Variants in COL4A1 observed in about 807,000 individuals in gnomAD.
The protein encoded by COL4A1 is collagen type IV alpha 1 chain.
COL4A1 carries 40 observed loss-of-function variants against 216.6 expected under a neutral mutation model. The ratio of observed to expected loss-of-function variants is 0.18; its 90% CI spans 0.14 to 0.24. COL4A1 has a LOEUF of 0.24. Ranked by LOEUF, COL4A1 falls within the 10% of genes least tolerant of loss-of-function variation. The probability of loss-of-function intolerance (pLI) is 1.00; values close to 1 mark genes in which losing one functional copy is unlikely to be tolerated. For synonymous variants in COL4A1, 839 were observed against 810.7 expected, an observed-to-expected ratio of 1.03 and a Z score of -0.59; for missense variants, 1,628 against 2,196.8, an observed-to-expected ratio of 0.74 and a Z score of 5.18.
intron 17 of COL4A1, 103 bp from the exon 18 acceptor site, chr13:110,203,710 G>T: frequency 8.1e-7 from 1 of 1,232,616 alleles, no homozygotes; most frequent in Non-Finnish European, 1.2e-6. Context: ...TGTGCCTACA[G>T]TAAATTAAAA....
intron 1 of COL4A1, among the ~76,000 whole-genome samples, chr13:110,254,326 T>G (rs528898146): frequency 1.3e-5 from 2 of 152,302 alleles, no homozygotes; most frequent in South Asian, 2.1e-4. Flanking sequence ...AGAGGGAGTA[T>G]GCAGATAGTT....
chr13:110,245,641 T>G (rs370640624), intron 1 of COL4A1, among the ~76,000 whole-genome samples: 1 of 152,238 alleles, frequency 6.6e-6, no homozygotes, highest in African/African-American at 2.4e-5. Flanking sequence ...GCTTTATCTT[T>G]CTGCAATTTG....
chr13:110,201,736 C>G, intron 18 of COL4A1: 1 of 699,448 alleles, frequency 1.4e-6, no homozygotes. Context: ...GTAATCCCAG[C>G]ACTTTGGGAG....
Position 110,178,940 on chromosome 13 carries a change from C to G in COL4A1, c.2441G>C (p.Gly814Ala). The change falls in exon 31 of 52, where the codon GGA becomes GCA. Residue 814 changes from glycine (G) to alanine (A), a missense_variant. By Grantham distance (60) the Gly-to-Ala change is moderately conservative (BLOSUM62 0). Coordinates refer to ENST00000375820, the MANE Select transcript of COL4A1 (RefSeq NM_001845.6). ...PGARGPPGGQ[G>A]PPGLSGPPGI... ...TCACTCACCTGACAACCCCGGTGGT[C>G]CCTGTCCTCCAGGGGGACCCCTAGC... The G allele has an allele frequency of 6.2e-7, 1 of 1,611,886 alleles. No individual in the cohort carries two copies. The highest frequency in any genetic ancestry group is 8.5e-7 in the Non-Finnish European group (1 of 1,179,488).
intron 47 of COL4A1, among the ~76,000 whole-genome samples, chr13:110,162,680 A>C (rs1455638785): frequency 6.6e-6 from 1 of 151,410 alleles, no homozygotes; most frequent in Non-Finnish European, 1.5e-5. Context: ...TTTTATAAGC[A>C]CAGTTCTCGG....
chr13:110,201,610 T>C (rs761230596), intron 18 of COL4A1, 88 bp from the exon 19 acceptor site: 9 of 1,097,672 alleles, frequency 8.2e-6, no homozygotes, highest in Admixed American at 1.7e-5. Flanking sequence ...GAAATGTACA[T>C]ATTTGTTTTT....
intron 1 of COL4A1, among the ~76,000 whole-genome samples, chr13:110,274,102 T>C (rs1883349195): frequency 6.6e-6 from 1 of 152,236 alleles, no homozygotes; most frequent in Non-Finnish European, 1.5e-5. Context: ...TAAAATGTGC[T>C]AAGTACTAGG....
chr13:110,191,407 A>G lies in COL4A1; in HGVS notation c.1536+807T>C, dbSNP rs1878620062. 3 of 364,074 alleles carry G rather than the reference A, an allele frequency of 8.2e-6. No homozygotes were observed. The South Asian group carries it at 3.4e-4, about 41-fold the overall frequency. The allele number at this position is 364,074 out of a possible 1,614,324, so 22.6% of individuals were successfully genotyped here. ...TTGTGGAAACCAGTCCATGCTCGCA[A>G]AGCTCAGAAGAACAAAGAAAATACG... On this transcript the variant is annotated intron_variant, in intron 24 of 51. Coordinates refer to ENST00000375820, the MANE Select transcript of COL4A1 (RefSeq NM_001845.6).
chr13:110,175,946 C>A (rs1877863231), intron 36 of COL4A1, among the ~76,000 whole-genome samples: 1 of 152,228 alleles, frequency 6.6e-6, no homozygotes, highest in South Asian at 2.1e-4. Flanking sequence ...CACCACCCAG[C>A]CCTTCCCGCA....
chr13:110,149,838 G>A lies in COL4A1; in HGVS notation c.*525C>T, dbSNP rs1190261827. 6.0e-6 allele frequency: 1 copy of A among 166,294 alleles called. No homozygotes were observed. Among genetic ancestry groups the A allele is most frequent in the Non-Finnish European group, 1.3e-5 (1 of 75,280 alleles). 10.3% of individuals were successfully genotyped at this position (166,294 alleles called of 1,614,324 possible). A position where few individuals can be genotyped will look rare whatever the true frequency, so the allele number is the denominator to read the frequency against. ...AGCAGAAAGACAGAAATTTATACTG[G>A]GGGGTTGGAAGATATGGCTACTGAG... On this transcript the variant is annotated 3_prime_UTR_variant, in exon 52 of 52. Coordinates refer to ENST00000375820, the MANE Select transcript of COL4A1 (RefSeq NM_001845.6).
intron 49 of COL4A1, among the ~76,000 whole-genome samples, chr13:110,159,267 G>A (rs1353417978): frequency 5.9e-4 from 2 of 3,414 alleles, no homozygotes; most frequent in African/African-American, 6.2e-4. Flanking sequence ...AAAACTGGTG[G>A]AACTGGGGAG....
At chr13:110,157,025 T>C (rs887459961) in intron 49 of COL4A1, among the ~76,000 whole-genome samples, 2 of 152,188 alleles carry the variant, frequency 1.3e-5, no homozygotes, top group South Asian at 2.1e-4. Context: ...GACCTAGAAA[T>C]ACAGCCTGGA....
At chr13:110,298,405 C>T (rs576860789) in intron 1 of COL4A1, among the ~76,000 whole-genome samples, 40 of 152,274 alleles carry the variant, frequency 2.6e-4, no homozygotes, top group Middle Eastern at 3.4e-3. Context: ...ACCGTGTCAT[C>T]CCCTTTTCCA....
In COL4A1 at chr13:110,163,541, T is replaced by C; in HGVS notation, c.4171A>G (p.Ile1391Val). 3 of 1,614,094 alleles carry C rather than the reference T, an allele frequency of 1.9e-6. No homozygotes were observed. Among genetic ancestry groups the C allele is most frequent in the Admixed American group, 1.7e-5 (1 of 60,026 alleles). The change falls in exon 47 of 52, where the codon ATA (isoleucine) becomes GTA (valine). Residue 1391 changes from isoleucine to valine, a missense_variant. Ile to Val is a conservative substitution (Grantham distance 29). Transcript: ENST00000375820. ...GQQGVTGLVG[I>V]PGPPGIPGFD... ...CCAGGAATACCTGGAGGTCCAGGTA[T>C]ACCCACCAATCCTGTAACACCTGAG...
intron 1 of COL4A1, among the ~76,000 whole-genome samples, chr13:110,256,612 T>C (rs1882581678): frequency 6.6e-6 from 1 of 152,122 alleles, no homozygotes; most frequent in East Asian, 1.9e-4. Flanking sequence ...TGAAGAACAT[T>C]GGGAAGTTTA....
chr13:110,302,006 C>G (rs4773141), intron 1 of COL4A1, among the ~76,000 whole-genome samples: 61,167 of 151,836 alleles, frequency 0.4, 12,835 homozygotes, highest in African/African-American at 0.51. Context: ...CTGGAGAGCA[C>G]GAGAGCTGGG....
In COL4A1 at chr13:110,205,345, G is replaced by C. The variant is rs778216381; in HGVS notation, c.957+8C>G. ...AAGATAAAGGCTCACAATAGTGCCA[G>C]CGTTTACCTGCGGGCCCTGGCGGCC... On this transcript the variant is annotated splice_region_variant and intron_variant, in intron 17 of 51. Transcript: ENST00000375820. 4 of 1,613,958 alleles carry C rather than the reference G, an allele frequency of 2.5e-6. No homozygotes were observed. In the South Asian group the frequency reaches 3.3e-5, roughly 13 times the overall value.
Position 110,211,819 on chromosome 13 carries a change from G to A in COL4A1, c.441+50C>T. Reference sequence around the variant, plus strand: ...GAAAAGGAAATGGAATGAAAAGAGAGAAGTCATAACTAAAAGAAAGAAGTT... The same window carrying A: ...GAAAAGGAAATGGAATGAAAAGAGAAAAGTCATAACTAAAAGAAAGAAGTT... On this transcript the variant is annotated intron_variant, in intron 7 of 51. Transcript: ENST00000375820. This position sits in a 1 kb window ranked among gnomAD's most constrained non-coding sequence, Gnocchi z 4.3. 1 of 1,592,164 alleles carries A rather than the reference G, an allele frequency of 6.3e-7. No homozygotes were observed. The highest frequency in any genetic ancestry group is 1.7e-4 in the Middle Eastern group (1 of 6,036).
intron 1 of COL4A1, among the ~76,000 whole-genome samples, chr13:110,284,214 A>C (rs1168090391): frequency 6.6e-6 from 1 of 152,214 alleles, no homozygotes; most frequent in East Asian, 1.9e-4. Context: ...CTCCTCCTGG[A>C]AGTTTTCTTA....
Sources: allele counts gnomAD v4.1 joint callset (sites outside exome capture counted in the v4.1 genomes callset), GRCh38; gene constraint gnomAD v4.1.1; non-coding constraint Gnocchi (gnomAD v3.1); transcripts MANE v1.5; gene names NCBI Gene and HGNC (gene_info 2026-07-23, HGNC 2026-07-21).